The following CDK14 variants were observed in gnomAD, a reference collection of about 807,000 sequenced individuals.
The protein encoded by CDK14 is cyclin-dependent kinase 14.
CDK14 carries 34 observed loss-of-function variants against 60.7 expected under a neutral mutation model. That is an observed-to-expected ratio of 0.56 (90% CI 0.43 to 0.75). CDK14 has a LOEUF of 0.75. Among genes scored for constraint, CDK14 ranks in the 30% least tolerant of loss-of-function variants. The probability of loss-of-function intolerance (pLI) is 0.00; values close to 1 mark genes in which losing one functional copy is unlikely to be tolerated. For synonymous variants in CDK14, 197 were observed against 203.7 expected (o/e 0.97, Z 0.28); for missense variants, 482 against 564.1 (o/e 0.85, Z 1.47).
rs538314404 is a variant in CDK14 at position 91,208,883 on chromosome 7, G to A, written c.*1747G>A. The A allele has an allele frequency of 2.6e-5, 4 of 152,750 alleles. No homozygotes were observed. Among genetic ancestry groups the A allele is most frequent in the South Asian group, 4.1e-4 (2 of 4,822 alleles). 9.5% of individuals were successfully genotyped at this position (152,750 alleles called of 1,614,324 possible). ...TATTTACTGATTGGTTTTAAAGAGA[G>A]CAGAAAACACCCAAGTGTAGAATGT... On this transcript the variant is annotated 3_prime_UTR_variant, in exon 15 of 15. Coordinates refer to ENST00000380050, the MANE Select transcript of CDK14 (RefSeq NM_001287135.2).
chr7:90,709,621 C>G (rs977348989), intron 2 of CDK14: 21 of 1,604,464 alleles, frequency 1.3e-5, no homozygotes, highest in Non-Finnish European at 1.8e-5. Context: ...GCAAGTCCAT[C>G]GTGTTTGGAA....
chr7:90,892,341 T>A (rs1474653202), intron 6 of CDK14, among the ~76,000 whole-genome samples: 1 of 152,234 alleles, frequency 6.6e-6, no homozygotes, highest in Non-Finnish European at 1.5e-5. Context: ...TATACGTAAT[T>A]AATCTTTCTA....
intron 8 of CDK14, among the ~76,000 whole-genome samples, chr7:90,918,373 C>T (rs1407968666): frequency 1.3e-5 from 2 of 152,172 alleles, no homozygotes; most frequent in African/African-American, 4.8e-5. Context: ...TAAGTCATTC[C>T]TTCCTTAGAA....
intron 5 of CDK14, among the ~76,000 whole-genome samples, chr7:90,810,222 T>A (rs533773692): frequency 5.9e-5 from 9 of 152,244 alleles, no homozygotes; most frequent in Admixed American, 5.9e-4. Context: ...AAATCCTCAA[T>A]AAAATACTGG....
chr7:91,107,232 A>AT (rs1799329629), intron 12 of CDK14: 1 of 152,120 alleles, frequency 6.6e-6, no homozygotes, highest in South Asian at 2.1e-4. Flanking sequence ...TTTTTACATT[A>AT]TTTTTTACAT....
intron 8 of CDK14, among the ~76,000 whole-genome samples, chr7:90,938,799 C>T (rs529789941): frequency 6.6e-6 from 1 of 152,138 alleles, no homozygotes; most frequent in African/African-American, 2.4e-5. Flanking sequence ...TGTGTGTTTG[C>T]TTTGATTTTG....
At chr7:90,608,697 G>A (rs1182134602) in intron 2 of CDK14, 4 of 198,582 alleles carry the variant, frequency 2.0e-5, no homozygotes, top group East Asian at 1.8e-4. Flanking sequence ...ATGGGTGACC[G>A]TGTATGAGTT....
In CDK14 at chr7:91,207,421, T is replaced by C. The variant is rs552940031; in HGVS notation, c.*285T>C. 6.5e-6 allele frequency: 1 copy of C among 152,738 alleles called. No homozygotes were observed. Among genetic ancestry groups the C allele is most frequent in the African/African-American group, 2.4e-5 (1 of 41,596 alleles). 9.5% of individuals were successfully genotyped at this position (152,738 alleles called of 1,614,324 possible). A position where few individuals can be genotyped will look rare whatever the true frequency, so the allele number is the denominator to read the frequency against. ...CATGGCATGTATTCTTTTCAGTCTT[T>C]TGTGTTTGATTTTGTTTGATTTCCC... On this transcript the variant is annotated 3_prime_UTR_variant, in exon 15 of 15. Transcript: ENST00000380050.
chr7:90,715,108 AT>A (rs1802200482), intron 2 of CDK14, among the ~76,000 whole-genome samples: 1 of 152,152 alleles, frequency 6.6e-6, no homozygotes, highest in South Asian at 2.1e-4. Flanking sequence ...TGGATGCTGT[AT>A]TTTACATGAG....
intron 14 of CDK14, among the ~76,000 whole-genome samples, chr7:91,177,345 C>A (rs1477918770): frequency 6.9e-6 from 1 of 145,504 alleles, no homozygotes; most frequent in African/African-American, 2.5e-5. Context: ...AAACCCACAG[C>A]CAATATCATA....
chr7:90,997,043 A>C (rs1795706114), intron 10 of CDK14, among the ~76,000 whole-genome samples: 1 of 152,200 alleles, frequency 6.6e-6, no homozygotes, highest in Non-Finnish European at 1.5e-5. Context: ...ATATAACCCA[A>C]CATTCAAAAT....
rs370593136 is a variant in CDK14, at chr7:90,865,321, T to C, written c.639+2052T>C. Among the ~76,000 whole-genome samples the C allele has an allele frequency of 1.8e-4, 27 of 151,188 alleles. No individual in the cohort carries two copies. In the East Asian group the frequency reaches 4.7e-3, roughly 26 times the overall value. On this transcript the variant is annotated intron_variant, in intron 6 of 14. Coordinates refer to ENST00000380050, the MANE Select transcript of CDK14 (RefSeq NM_001287135.2). ...TGTAGATTTCTCAGCACGATTAGTC[T>C]ATTTGGCAATTGCCCAGTTCAAAAA...
At chr7:91,037,424 C>T (rs1040301248) in intron 10 of CDK14, among the ~76,000 whole-genome samples, 60 of 152,078 alleles carry the variant, frequency 3.9e-4, no homozygotes, top group African/African-American at 1.3e-3. Context: ...TGTATGTGTG[C>T]GCGCGCATGT....
chr7:91,098,015 A>G (rs574640542), intron 12 of CDK14, among the ~76,000 whole-genome samples: 1 of 152,278 alleles, frequency 6.6e-6, no homozygotes, highest in East Asian at 1.9e-4. Context: ...TCCTTGTAGG[A>G]GTGGAAAGCA....
intron 14 of CDK14, among the ~76,000 whole-genome samples, chr7:91,179,177 A>C (rs1801899083): frequency 6.6e-6 from 1 of 152,068 alleles, no homozygotes; most frequent in South Asian, 2.1e-4. Context: ...TGCAGCCATA[A>C]AAAATGATGA....
At chr7:91,120,374 A>T (rs1221006730) in intron 14 of CDK14, among the ~76,000 whole-genome samples, 1 of 152,238 alleles carries the variant, frequency 6.6e-6, no homozygotes, top group Non-Finnish European at 1.5e-5. Context: ...TCATCAGTAT[A>T]TAAAAGCCTT....
chr7:90,897,810 A>G (rs1055125088), intron 6 of CDK14, among the ~76,000 whole-genome samples: 1 of 152,112 alleles, frequency 6.6e-6, no homozygotes, highest in African/African-American at 2.4e-5. Flanking sequence ...TATCCTATAC[A>G]TAAAAGTATT....
chr7:91,058,263 T>A (rs1265457866), intron 11 of CDK14, among the ~76,000 whole-genome samples: 1 of 152,140 alleles, frequency 6.6e-6, no homozygotes, highest in East Asian at 1.9e-4. Context: ...TTTTGTATCC[T>A]GAGACTTTGC....
chr7:90,916,529 T>C (rs3808243), intron 7 of CDK14, among the ~76,000 whole-genome samples: 125,345 of 152,144 alleles, frequency 0.82, 51,804 homozygotes, highest in East Asian at 0.95. Flanking sequence ...GAGATGCCAC[T>C]GTCCAGGGCC....
Sources: gnomAD v4.1 joint callset for allele counts (sites outside exome capture counted in the v4.1 genomes callset) on GRCh38, gnomAD v4.1.1 for gene constraint, MANE v1.5 for transcripts, NCBI Gene and HGNC (gene_info 2026-07-23, HGNC 2026-07-21) for gene names.